Variants in ZNF197 observed in about 807,000 individuals in gnomAD.
The protein encoded by ZNF197 is VHL-associated KRAB-A domain-containing protein.
ZNF197 carries 14 observed loss-of-function variants against 27.4 expected under a neutral mutation model. That is an observed-to-expected ratio of 0.51 (90% CI 0.34 to 0.80). The LOEUF is 0.80. Among genes scored for constraint, ZNF197 ranks in the 30% least tolerant of loss-of-function variants. ZNF197 has a pLI of 0.02. For synonymous variants in ZNF197, 415 were observed against 420.0 expected, an observed-to-expected ratio of 0.99 and a Z score of 0.15; for missense variants, 1,090 against 1,222.6, an observed-to-expected ratio of 0.89 and a Z score of 1.62.
rs1354503753 is a variant in ZNF197, at chr3:44,643,798, A to T, written c.2668A>T (p.Met890Leu). The change falls in exon 6 of 6, where the codon ATG becomes TTG. Residue 890 changes from methionine (M) to leucine (L), a missense_variant. By Grantham distance (15) the Met-to-Leu change is conservative (BLOSUM62 2). Transcript: ENST00000344387. ...RKVLTSSRNL[M>L]VHQRIHTGEK... ...AGTCCTTACCTCTAGTAGAAATCTT[A>T]TGGTACATCAAAGAATCCATACTGG... 1.2e-6 allele frequency: 2 copies of T among 1,613,884 alleles called. No homozygotes were observed. The highest frequency in any genetic ancestry group is 1.7e-6 in the Non-Finnish European group (2 of 1,180,038).
rs762882880 is a variant in ZNF197 at position 44,640,655 on chromosome 3, G to A, written c.770-1245G>A. ...AGCCTCCCAGAGTGCTGGAATTACAGGCATGAGCCACCATGCCCGGCCTCT... is the reference window on the plus strand; with the variant it reads ...AGCCTCCCAGAGTGCTGGAATTACAAGCATGAGCCACCATGCCCGGCCTCT... On this transcript the variant is annotated intron_variant, in intron 5 of 5. Transcript: ENST00000344387. The surrounding 1 kb of genome is among the most constrained non-coding windows in gnomAD (Gnocchi z 4.0). 4.6e-5 allele frequency among the ~76,000 whole-genome samples: 7 copies of A among 152,204 alleles called. No individual in the cohort carries two copies. The highest frequency in any genetic ancestry group is 1.0e-4 in the Non-Finnish European group (7 of 68,040).
intron 5 of ZNF197, among the ~76,000 whole-genome samples, chr3:44,632,985 G>A (rs1055032601): frequency 6.6e-6 from 1 of 152,134 alleles, no homozygotes; most frequent in East Asian, 1.9e-4. Flanking sequence ...ATAATCATCT[G>A]TCTCTGTGCC....
In ZNF197 at chr3:44,644,349, A is replaced by C. The variant is rs1379641163; in HGVS notation, c.*129A>C. 1.4e-6 allele frequency: 2 copies of C among 1,419,838 alleles called. No individual in the cohort carries two copies. The highest frequency in any genetic ancestry group is 1.8e-6 in the Non-Finnish European group (2 of 1,094,674). 88.0% of individuals were successfully genotyped at this position (1,419,838 alleles called of 1,614,324 possible). On this transcript the variant is annotated 3_prime_UTR_variant, in exon 6 of 6. Transcript: ENST00000344387. ...GACAAATGAGTAGCATATAGAAGAA[A>C]GTTAATAGGCCGGGCTTGGTGGCTC...
chr3:44,642,807 C>T lies in ZNF197; in HGVS notation c.1677C>T (p.Leu559=). The T allele has an allele frequency of 6.2e-7, 1 of 1,613,746 alleles. No homozygotes were observed. The highest frequency in any genetic ancestry group is 8.5e-7 in the Non-Finnish European group (1 of 1,179,968). The change falls in exon 6 of 6, where the codon CTC becomes CTT. Residue 559 remains leucine (L), a synonymous_variant. Transcript: ENST00000344387. ...CTTATCTTATTGACCATCAGCGACT[C>T]CACAGTGCAGAGAACCCTTACAAGT... The part of the protein sequence containing the change: ...QTTYLIDHQR[L]HSAENPYKCK...
At chr3:44,630,159 G>A (rs1701900848) in intron 2 of ZNF197, among the ~76,000 whole-genome samples, 1 of 152,232 alleles carries the variant, frequency 6.6e-6, no homozygotes, top group Admixed American at 6.5e-5. Flanking sequence ...TGAGGCAGCA[G>A]TGAGCTATGA....
Position 44,631,150 on chromosome 3 carries a change from A to G in ZNF197, c.479A>G (p.His160Arg). 3 of 1,614,138 alleles carry G rather than the reference A, an allele frequency of 1.9e-6. No homozygotes were observed. The highest frequency in any genetic ancestry group is 2.5e-6 in the Non-Finnish European group (3 of 1,180,020). The change falls in exon 3 of 6, where the codon CAC becomes CGC. Residue 160 changes from histidine to arginine, a missense_variant. By Grantham distance (29) the His-to-Arg change is conservative. Coordinates refer to ENST00000344387, the MANE Select transcript of ZNF197 (RefSeq NM_006991.5). Reference protein sequence around the residue: ...TTLPPVLPGSHIAAEICPHPP... With the variant: ...TTLPPVLPGSRIAAEICPHPP... ...CTTCCTCCTGTACTTCCTGGCAGCC[A>G]CATAGCAGCTGAAATTTGCCCGCAT... is the stretch of plus-strand genomic sequence containing the variant.
In ZNF197 at chr3:44,647,491, C is replaced by A. The variant is rs1575508774; in HGVS notation, c.*3271C>A. Reference sequence around the variant, plus strand: ...ATGAAAACTTGCGTTCACACAAAAACCTGTATACGAATGTTCATAGCAGCT... The same window carrying A: ...ATGAAAACTTGCGTTCACACAAAAAACTGTATACGAATGTTCATAGCAGCT... On this transcript the variant is annotated 3_prime_UTR_variant, in exon 6 of 6. Transcript: ENST00000344387. The A allele has an allele frequency of 6.6e-6, 1 of 152,138 alleles. No individual in the cohort carries two copies. The highest frequency in any genetic ancestry group is 2.4e-5 in the African/African-American group (1 of 41,424). The allele number at this position is 152,138 out of a possible 1,614,324, so 9.4% of individuals were successfully genotyped here.
chr3:44,639,530 T>C (rs1479827609), intron 5 of ZNF197, among the ~76,000 whole-genome samples: 3 of 151,890 alleles, frequency 2.0e-5, no homozygotes, highest in Non-Finnish European at 4.4e-5. Context: ...ACTCAGATTT[T>C]CCATTTTTTT....
rs762554338 is a variant in ZNF197, at chr3:44,646,523, T to C, written c.*2303T>C. ...GAAATACAGGAGGCAGAGGAACAAA[T>C]AAAAGACACCACGAGAAACAGACAC... On this transcript the variant is annotated 3_prime_UTR_variant, in exon 6 of 6. Coordinates refer to ENST00000344387, the MANE Select transcript of ZNF197 (RefSeq NM_006991.5). 1.4e-6 allele frequency: 2 copies of C among 1,469,440 alleles called. No homozygotes were observed. Among genetic ancestry groups the C allele is most frequent in the Non-Finnish European group, 1.9e-6 (2 of 1,048,098 alleles). The allele number at this position is 1,469,440 out of a possible 1,614,324, so 91.0% of individuals were successfully genotyped here.
chr3:44,631,462 G>A lies in ZNF197; in HGVS notation c.550+241G>A, dbSNP rs191265756. On this transcript the variant is annotated intron_variant, in intron 3 of 5. Transcript: ENST00000344387. ...GTCGCCCAGGCTGGAGTGCAGTGGC[G>A]CGATCTCAGCTCACTGCAACCTCCG... Among the ~76,000 whole-genome samples the A allele has an allele frequency of 9.5e-3, 1,437 of 150,650 alleles. 25 individuals carry two copies. The highest frequency in any genetic ancestry group is 0.033 in the African/African-American group (1,369 of 40,968).
At chr3:44,636,351 G>A (rs2125810459) in intron 5 of ZNF197, among the ~76,000 whole-genome samples, 1 of 150,324 alleles carries the variant, frequency 6.7e-6, no homozygotes, top group East Asian at 1.9e-4. Context: ...AAGGAACCTT[G>A]AACCCTTCAG....
chr3:44,639,074 CATG>C (rs1336322555), intron 5 of ZNF197, among the ~76,000 whole-genome samples: 1 of 152,138 alleles, frequency 6.6e-6, no homozygotes, highest in Non-Finnish European at 1.5e-5. Context: ...TATCTATTGT[CATG>C]ATGATGTGGT....
chr3:44,635,303 C>CAGAT (rs1702224263), intron 5 of ZNF197, among the ~76,000 whole-genome samples: 1 of 151,760 alleles, frequency 6.6e-6, no homozygotes. Flanking sequence ...TTCGGGCAAG[C>CAGAT]AGATGCCCAA....
Position 44,647,402 on chromosome 3 carries a change from G to A in ZNF197, c.*3182G>A, listed in dbSNP as rs1205043089. The A allele has an allele frequency of 1.3e-5, 2 of 152,008 alleles. No individual in the cohort carries two copies. Among genetic ancestry groups the A allele is most frequent in the Non-Finnish European group, 2.9e-5 (2 of 68,008 alleles). The allele number at this position is 152,008 out of a possible 1,614,324, so 9.4% of individuals were successfully genotyped here. The stretch of plus-strand genomic sequence containing the variant: ...CTGGAATATAATTTGGCAGTTTCTT[G>A]TAAAACCACACATGTATATGTCATG... On this transcript the variant is annotated 3_prime_UTR_variant, in exon 6 of 6. Transcript: ENST00000344387.
In ZNF197 at chr3:44,634,282, C is replaced by T. The variant is rs184163031; in HGVS notation, c.769+1683C>T. On this transcript the variant is annotated intron_variant, in intron 5 of 5. Transcript: ENST00000344387. ...ATACTTCCTATATATAGAACTACTGCTAATGCTTTGTCAGTTGTTGCATAT... is the reference window on the plus strand; with the variant it reads ...ATACTTCCTATATATAGAACTACTGTTAATGCTTTGTCAGTTGTTGCATAT... Among the ~76,000 whole-genome samples the T allele has an allele frequency of 1.8e-3, 275 of 152,236 alleles. 1 individual carries two copies. Among genetic ancestry groups the T allele is most frequent in the Admixed American group, 4.6e-3 (70 of 15,292 alleles).
At position 44,642,977 on chromosome 3, in the gene ZNF197, A is replaced by T; in HGVS notation, c.1847A>T (p.His616Leu). 6.2e-7 allele frequency: 1 copy of T among 1,614,044 alleles called. No homozygotes were observed. The highest frequency in any genetic ancestry group is 2.2e-5 in the East Asian group (1 of 44,868). Residue 616 changes from histidine to leucine, a missense_variant, in exon 6 of 6, where the codon CAC becomes CTC. His to Leu is a moderately conservative substitution (Grantham distance 99, BLOSUM62 -3). Coordinates refer to ENST00000344387, the MANE Select transcript of ZNF197 (RefSeq NM_006991.5). ...KSNFIDHKRM[H>L]SREKPYKCTE... ...AACTTCATTGACCATAAGAGGATGCACAGCAGAGAGAAACCTTACAAATGC... is the reference window on the plus strand; with the variant it reads ...AACTTCATTGACCATAAGAGGATGCTCAGCAGAGAGAAACCTTACAAATGC...
chr3:44,629,690 C>A, intron 2 of ZNF197, 146 bp downstream of exon 2: 1 of 1,121,488 alleles, frequency 8.9e-7, no homozygotes, highest in Non-Finnish European at 1.2e-6. Flanking sequence ...TAAAGCAGGT[C>A]CATGAGTATT....
rs1380173708 is a variant in ZNF197 at position 44,646,739 on chromosome 3, T to A, written c.*2519T>A. The A allele has an allele frequency of 8.1e-6, 4 of 493,472 alleles. No individual in the cohort carries two copies. The highest frequency in any genetic ancestry group is 2.0e-5 in the African/African-American group (1 of 50,842). 30.6% of individuals were successfully genotyped at this position (493,472 alleles called of 1,614,324 possible). A position where few individuals can be genotyped will look rare whatever the true frequency, so the allele number is the denominator to read the frequency against. ...AGGTATAAAACATGGATGAGGAGGCTTGTTTTTAAAAGATAATACTAGAGA... is the reference window on the plus strand; with the variant it reads ...AGGTATAAAACATGGATGAGGAGGCATGTTTTTAAAAGATAATACTAGAGA... On this transcript the variant is annotated 3_prime_UTR_variant, in exon 6 of 6. Coordinates refer to ENST00000344387, the MANE Select transcript of ZNF197 (RefSeq NM_006991.5).
At position 44,642,675 on chromosome 3, in the gene ZNF197, T is replaced by G. The variant is rs751859603; in HGVS notation, c.1545T>G (p.Cys515Trp). ...KGEEPYKCNK[C>W]QKAFILKKSL... ...AAGAACCTTATAAATGTAATAAGTG[T>G]CAGAAAGCTTTCATTCTGAAGAAGA... Residue 515 changes from cysteine to tryptophan, a missense_variant, in exon 6 of 6, where the codon TGT (cysteine) becomes TGG (tryptophan). By Grantham distance (215) the Cys-to-Trp change is radical. Coordinates refer to ENST00000344387, the MANE Select transcript of ZNF197 (RefSeq NM_006991.5). 1.2e-6 allele frequency: 2 copies of G among 1,613,888 alleles called. No homozygotes were observed. The highest frequency in any genetic ancestry group is 1.7e-6 in the Non-Finnish European group (2 of 1,180,018).
Sources: gnomAD v4.1 joint callset for allele counts (sites outside exome capture counted in the v4.1 genomes callset) on GRCh38, gnomAD v4.1.1 for gene constraint, Gnocchi (gnomAD v3.1) non-coding constraint, MANE v1.5 for transcripts, NCBI Gene and HGNC (gene_info 2026-07-23, HGNC 2026-07-21) for gene names.